SPDYE18: variants seen among roughly 807,000 people sequenced by gnomAD.
SPDYE18 encodes the protein speedy protein E18.
SPDYE18 carries 6 observed loss-of-function variants against 44.9 expected under a neutral mutation model. The ratio of observed to expected loss-of-function variants is 0.13; its 90% confidence interval spans 0.07 to 0.26. The LOEUF (loss-of-function observed/expected upper bound fraction) is 0.26, where lower values mean the gene tolerates loss of function less well. Ranked by LOEUF, SPDYE18 falls within the 10% of genes least tolerant of loss-of-function variation. SPDYE18 has a pLI of 1.00. For synonymous variants in SPDYE18, 35 were observed against 177.1 expected (o/e 0.20, Z 6.37); for missense variants, 121 against 463.2 (o/e 0.26, Z 6.78).
At position 77,052,789 on chromosome 7, in the gene SPDYE18, G is replaced by A. The variant is rs199551330; in HGVS notation, c.1048C>T (p.Arg350Cys). 23,329 of 1,592,356 alleles carry A rather than the reference G, an allele frequency of 0.015. 159 individuals carry two copies. The highest frequency in any genetic ancestry group is 0.14 in the East Asian group (6,030 of 43,980). ...EHWVWARDRA[R>C]LS ...CGGTCCCTGGAGCTCTAGGAAAGGCGAGCGCGATCTCGCGCCCACACCCAG... is the reference window on the plus strand; with the variant it reads ...CGGTCCCTGGAGCTCTAGGAAAGGCAAGCGCGATCTCGCGCCCACACCCAG... The change falls in exon 8 of 9, where the codon CGC (arginine) becomes TGC (cysteine). Residue 350 changes from arginine (R) to cysteine (C), a missense_variant. Arg to Cys is a radical substitution (Grantham distance 180). Transcript: ENST00000510091.
At chr7:77,054,645 T>G (rs1301655371) in intron 6 of SPDYE18, among the ~76,000 whole-genome samples, 8 of 152,242 alleles carry the variant, frequency 5.3e-5, no homozygotes, top group African/African-American at 9.6e-5. Context: ...CAGAAACGTC[T>G]GCTTGCTGGA....
At chr7:77,056,375 C>A (rs1194835555) in intron 5 of SPDYE18, among the ~76,000 whole-genome samples, 175 bp downstream of exon 5, 3 of 71,706 alleles carry the variant, frequency 4.2e-5, no homozygotes, top group Non-Finnish European at 8.2e-5. Context: ...GAGACACTGC[C>A]CTCCAGCCTG....
In SPDYE18 at chr7:77,052,809, A is replaced by G; in HGVS notation, c.1028T>C (p.Val343Ala). Residue 343 changes from valine (V) to alanine (A), a missense_variant, in exon 8 of 9, where the codon GTG becomes GCG. Transcript: ENST00000510091. ...EIQAYDPEHW[V>A]WARDRARLS ...AAGGCGAGCGCGATCTCGCGCCCAC[A>G]CCCAGTGCTCTGGGTCATAAGCCTG... The G allele has an allele frequency of 1.2e-6, 2 of 1,609,016 alleles. No individual in the cohort carries two copies. Among genetic ancestry groups the G allele is most frequent in the Non-Finnish European group, 1.7e-6 (2 of 1,178,810 alleles).
At chr7:77,053,343 C>G (rs1409389732) in intron 6 of SPDYE18, 140 bp from the exon 7 acceptor site, 53 of 1,387,324 alleles carry the variant, frequency 3.8e-5, no homozygotes, top group Non-Finnish European at 4.9e-5. Flanking sequence ...ACGCCTTCCT[C>G]AGGAGGGCTC....
At chr7:77,055,862 A>G (rs2117318925) in intron 5 of SPDYE18, among the ~76,000 whole-genome samples, 1 of 151,674 alleles carries the variant, frequency 6.6e-6, no homozygotes, top group East Asian at 2.0e-4. Flanking sequence ...AGACAGGAGG[A>G]TCATGTGAGC....
At chr7:77,060,199 A>G (rs1583980308) in intron 2 of SPDYE18, among the ~76,000 whole-genome samples, 154 bp downstream of exon 2, 1 of 147,942 alleles carries the variant, frequency 6.8e-6, no homozygotes, top group African/African-American at 2.5e-5. Context: ...GTTTCACCAT[A>G]TTGGCCAGGC....
chr7:77,050,686 C>T lies in SPDYE18; in HGVS notation c.*1239G>A, dbSNP rs1470358150. Among the ~76,000 whole-genome samples, 1 of 152,046 alleles carries T rather than the reference C, an allele frequency of 6.6e-6. No individual in the cohort carries two copies. The highest frequency in any genetic ancestry group is 1.5e-5 in the Non-Finnish European group (1 of 68,012). On this transcript the variant is annotated 3_prime_UTR_variant, in exon 9 of 9. Coordinates refer to ENST00000510091, the MANE Select transcript of SPDYE18 (RefSeq NM_001394953.1). ...AGTATCACAGATAAAAACCATGCTCCCTTCAGCAGCACGTGTAATAATAGA... is the reference window on the plus strand; with the variant it reads ...AGTATCACAGATAAAAACCATGCTCTCTTCAGCAGCACGTGTAATAATAGA...
chr7:77,056,958 C>G (rs1333012528), intron 4 of SPDYE18, among the ~76,000 whole-genome samples: 1 of 152,092 alleles, frequency 6.6e-6, no homozygotes, highest in African/African-American at 2.4e-5. Context: ...TGACCATGGC[C>G]TTGGGATCCC....
chr7:77,057,015 T>A (rs878972244), intron 4 of SPDYE18, among the ~76,000 whole-genome samples: 2 of 152,212 alleles, frequency 1.3e-5, no homozygotes, highest in Non-Finnish European at 2.9e-5. Flanking sequence ...AGTAAGAGAC[T>A]TTAAGTTTCA....
intron 6 of SPDYE18, among the ~76,000 whole-genome samples, chr7:77,053,761 C>A (rs577657163): frequency 6.6e-6 from 1 of 151,882 alleles, no homozygotes; most frequent in South Asian, 2.1e-4. Flanking sequence ...ATTGTGTGAA[C>A]CCAGGAGGCG....
At chr7:77,060,087 C>A (rs1224746856) in intron 2 of SPDYE18, among the ~76,000 whole-genome samples, 1 of 148,752 alleles carries the variant, frequency 6.7e-6, no homozygotes, top group African/African-American at 2.5e-5. Flanking sequence ...CCTCTTCCTC[C>A]CAGTCTCAAG....
rs555022282 is a variant in SPDYE18 at position 77,059,004 on chromosome 7, G to A, written c.379+176C>T. Among the ~76,000 whole-genome samples the A allele has an allele frequency of 3.3e-4, 50 of 152,040 alleles. No individual in the cohort carries two copies. In the East Asian group the frequency reaches 7.6e-3, roughly 23 times the overall value. ...CAAGCGCCAACCTTTATCAAGTCTA[G>A]CCTAGTCCTCTATCATCTCCTAAGT... On this transcript the variant is annotated intron_variant, in intron 3 of 8. Coordinates refer to ENST00000510091, the MANE Select transcript of SPDYE18 (RefSeq NM_001394953.1).
chr7:77,051,711 C>A lies in SPDYE18; in HGVS notation c.*214G>T, dbSNP rs1389407376. Among the ~76,000 whole-genome samples the A allele has an allele frequency of 8.2e-5, 11 of 134,380 alleles. No homozygotes were observed. The highest frequency in any genetic ancestry group is 2.1e-4 in the African/African-American group (8 of 37,582). 88.2% of individuals were successfully genotyped at this position (134,380 alleles called of 152,430 possible). A position where few individuals can be genotyped will look rare whatever the true frequency, so the allele number is the denominator to read the frequency against. On this transcript the variant is annotated 3_prime_UTR_variant, in exon 9 of 9. Coordinates refer to ENST00000510091, the MANE Select transcript of SPDYE18 (RefSeq NM_001394953.1). ...AAGGACCCCACCCCCCTCCCCCCAC[C>A]CCTGCTCCCAGGAGGACAACGTGAT...
In SPDYE18 at chr7:77,054,275, C is replaced by T. The variant is rs1411697259; in HGVS notation, c.755+961G>A. Among the ~76,000 whole-genome samples the T allele has an allele frequency of 7.4e-5, 11 of 149,044 alleles. No homozygotes were observed. In the East Asian group the frequency reaches 1.4e-3, roughly 19 times the overall value. On this transcript the variant is annotated intron_variant, in intron 6 of 8. Transcript: ENST00000510091. ...CAGACAGAAAACACAAACACAAAGT[C>T]GAGTGGAGGGCATTTGGAAGAAGCA...
At chr7:77,054,806 C>A (rs1342365650) in intron 6 of SPDYE18, among the ~76,000 whole-genome samples, 2 of 150,952 alleles carry the variant, frequency 1.3e-5, no homozygotes, top group African/African-American at 4.8e-5. Context: ...CTCACTCTGT[C>A]ACCCAGGCTG....
intron 2 of SPDYE18, 89 bp downstream of exon 2, chr7:77,060,248 CGGCCTCCCAAAGTGCT>C: frequency 6.7e-7 from 1 of 1,499,044 alleles, no homozygotes; most frequent in Admixed American, 2.1e-5. Context: ...TCGCCCGCCT[CGGCCTCCCAAAGTGCT>C]GGGGTTACAG....
At position 77,060,602 on chromosome 7, in the gene SPDYE18, A is replaced by G. The variant is rs1020471994; in HGVS notation, c.-90T>C. On this transcript the variant is annotated 5_prime_UTR_variant, in exon 2 of 9. Transcript: ENST00000510091. The stretch of plus-strand genomic sequence containing the variant: ...GTCAGGAGTGGAGAACAGCTCTGAG[A>G]AGATACTGTTGTCCAACTGATCTCC... The G allele has an allele frequency of 7.9e-6, 12 of 1,527,680 alleles. No homozygotes were observed. The highest frequency in any genetic ancestry group is 1.1e-5 in the Non-Finnish European group (12 of 1,142,244). 94.6% of individuals were successfully genotyped at this position (1,527,680 alleles called of 1,614,324 possible). A position where few individuals can be genotyped will look rare whatever the true frequency, so the allele number is the denominator to read the frequency against.
At chr7:77,056,405 G>A (rs1272189807) in intron 5 of SPDYE18, 145 bp downstream of exon 5, 11 of 606,108 alleles carry the variant, frequency 1.8e-5, no homozygotes, top group Admixed American at 4.5e-5. Flanking sequence ...GCAAGACTCT[G>A]TCTCACAAAA....
chr7:77,057,458 G>A (rs1789944369), intron 4 of SPDYE18, among the ~76,000 whole-genome samples, 179 bp downstream of exon 4: 1 of 151,128 alleles, frequency 6.6e-6, no homozygotes, highest in Non-Finnish European at 1.5e-5. Context: ...CCTTTATCAA[G>A]TTGACCTAAT....
Sources: allele counts gnomAD v4.1 joint callset (sites outside exome capture counted in the v4.1 genomes callset), GRCh38; gene constraint gnomAD v4.1.1; transcripts MANE v1.5; gene names NCBI Gene and HGNC (gene_info 2026-07-23, HGNC 2026-07-21).